Variants in CNTNAP2 observed in about 807,000 individuals in gnomAD.
CNTNAP2 encodes the protein contactin associated protein 2, also known as contactin-associated protein-like 2.
In CNTNAP2, 98 loss-of-function variants were observed where a neutral mutation model predicts 155.2. The observed-to-expected ratio is 0.63, with a 90% CI of 0.54 to 0.75. CNTNAP2 has a LOEUF of 0.75. Among genes scored for constraint, CNTNAP2 ranks in the 30% least tolerant of loss-of-function variants. The pLI is 0.00. For synonymous variants in CNTNAP2, 651 were observed against 631.2 expected (o/e 1.03, Z -0.47); for missense variants, 1,727 against 1,688.1 (o/e 1.02, Z -0.40).
At chr7:147,816,537 T>A (rs1332579796) in intron 13 of CNTNAP2, among the ~76,000 whole-genome samples, 1 of 152,192 alleles carries the variant, frequency 6.6e-6, no homozygotes, top group Non-Finnish European at 1.5e-5. Context: ...GCTAGAATTT[T>A]AAAAATAATG....
intron 1 of CNTNAP2, among the ~76,000 whole-genome samples, chr7:146,220,836 A>G (rs1021693820): frequency 2.6e-5 from 4 of 152,222 alleles, no homozygotes; most frequent in African/African-American, 9.6e-5. Context: ...TTGCAGACCT[A>G]GAATAGAAAC....
chr7:148,003,847 C>A lies in CNTNAP2; in HGVS notation c.2383+25858C>A, dbSNP rs1188363786. Among the ~76,000 whole-genome samples the A allele has an allele frequency of 2.6e-5, 4 of 152,186 alleles. No individual in the cohort carries two copies. In the East Asian group the frequency reaches 7.7e-4, roughly 29 times the overall value. ...ATTAGCCTCTTGGCAGCAGAAGCTA[C>A]TTCTTATTTATCTCTGTATTCCCAA... On this transcript the variant is annotated intron_variant, in intron 15 of 23. Transcript: ENST00000361727.
chr7:147,242,056 T>A (rs1465038241), intron 8 of CNTNAP2, among the ~76,000 whole-genome samples: 2 of 152,234 alleles, frequency 1.3e-5, no homozygotes, highest in Non-Finnish European at 2.9e-5. Context: ...GATTTGAATT[T>A]CCTTCTTTTC....
intron 14 of CNTNAP2, among the ~76,000 whole-genome samples, chr7:147,951,119 G>A (rs1188525521): frequency 6.6e-6 from 1 of 152,118 alleles, no homozygotes; most frequent in Non-Finnish European, 1.5e-5. Context: ...TAATTCTCAG[G>A]CCCAGCCGAG....
chr7:147,958,651 T>C (rs2710084), intron 14 of CNTNAP2, among the ~76,000 whole-genome samples: 101,334 of 152,080 alleles, frequency 0.67, 39,250 homozygotes, highest in South Asian at 0.89. Context: ...ATTTAAAGTA[T>C]AGATTGCATA....
chr7:146,669,639 AAGGACTCCTTT>A (rs1800261700), intron 1 of CNTNAP2, among the ~76,000 whole-genome samples: 1 of 152,150 alleles, frequency 6.6e-6, no homozygotes, highest in Admixed American at 6.6e-5. Context: ...TAGATACCTA[AAGGACTCCTTT>A]GGAGCAGCAG....
At chr7:147,380,452 G>T (rs1796516708) in intron 9 of CNTNAP2, among the ~76,000 whole-genome samples, 1 of 151,712 alleles carries the variant, frequency 6.6e-6, no homozygotes, top group Non-Finnish European at 1.5e-5. Context: ...TATATCAAGA[G>T]GAATAATAAT....
chr7:146,586,381 A>C (rs1798691473), intron 1 of CNTNAP2, among the ~76,000 whole-genome samples: 1 of 152,226 alleles, frequency 6.6e-6, no homozygotes. Context: ...AATAAATTAC[A>C]AACCCCACCA....
chr7:147,520,582 G>A (rs1459287137), intron 11 of CNTNAP2, among the ~76,000 whole-genome samples: 2 of 152,184 alleles, frequency 1.3e-5, no homozygotes, highest in African/African-American at 2.4e-5. Flanking sequence ...CTTCCGTGGA[G>A]GAGGAACACA....
intron 10 of CNTNAP2, among the ~76,000 whole-genome samples, chr7:147,406,977 T>C (rs915069149): frequency 6.6e-6 from 1 of 152,152 alleles, no homozygotes; most frequent in African/African-American, 2.4e-5. Context: ...TGTGATAGTT[T>C]CATGATTTTT....
chr7:147,519,651 T>C (rs934347815), intron 11 of CNTNAP2, among the ~76,000 whole-genome samples: 2 of 152,160 alleles, frequency 1.3e-5, no homozygotes, highest in Non-Finnish European at 2.9e-5. Flanking sequence ...TTGCTTGAGG[T>C]CAGGAGTTGG....
chr7:146,772,196 GA>G (rs1179341898), intron 1 of CNTNAP2, among the ~76,000 whole-genome samples: 1 of 151,946 alleles, frequency 6.6e-6, no homozygotes, highest in Non-Finnish European at 1.5e-5. Context: ...TATTATGACA[GA>G]AAATCAAGCA....
chr7:147,180,669 T>A (rs987993486), intron 8 of CNTNAP2, among the ~76,000 whole-genome samples: 4 of 152,168 alleles, frequency 2.6e-5, no homozygotes, highest in Non-Finnish European at 4.4e-5. Context: ...TTGTATATAT[T>A]AATAATTTCA....
chr7:147,661,154 C>A (rs185585177), intron 13 of CNTNAP2, among the ~76,000 whole-genome samples: 9 of 152,264 alleles, frequency 5.9e-5, no homozygotes, highest in Admixed American at 5.9e-4. Context: ...TAGATATAAT[C>A]CTCCAGTTAA....
chr7:146,749,981 C>T (rs980555509), intron 1 of CNTNAP2, among the ~76,000 whole-genome samples: 1 of 152,086 alleles, frequency 6.6e-6, no homozygotes, highest in Non-Finnish European at 1.5e-5. Flanking sequence ...AAAGATGAGC[C>T]ATGGGTTTCC....
intron 3 of CNTNAP2, among the ~76,000 whole-genome samples, chr7:146,910,471 A>G (rs1399940802): frequency 1.3e-5 from 2 of 149,678 alleles, no homozygotes. Context: ...AGATCAATGG[A>G]ACAGAACAGA....
chr7:146,978,939 TAA>T (rs956477794), intron 3 of CNTNAP2, among the ~76,000 whole-genome samples: 7 of 152,150 alleles, frequency 4.6e-5, no homozygotes, highest in Admixed American at 4.6e-4. Flanking sequence ...AGAGCACTTT[TAA>T]AAGTTTGAGA....
chr7:147,219,755 A>G (rs1803351409), intron 8 of CNTNAP2, among the ~76,000 whole-genome samples: 1 of 152,124 alleles, frequency 6.6e-6, no homozygotes, highest in Non-Finnish European at 1.5e-5. Context: ...TCCACTCATG[A>G]GAGCAAAGCC....
At chr7:147,266,422 G>A (rs1804609176) in intron 8 of CNTNAP2, among the ~76,000 whole-genome samples, 1 of 152,182 alleles carries the variant, frequency 6.6e-6, no homozygotes, top group Admixed American at 6.5e-5. Context: ...CTCCCTTTGT[G>A]GTGTATCAGC....
Sources: allele counts gnomAD v4.1 joint callset (sites outside exome capture counted in the v4.1 genomes callset), GRCh38; gene constraint gnomAD v4.1.1; transcripts MANE v1.5; gene names NCBI Gene and HGNC (gene_info 2026-07-23, HGNC 2026-07-21).